FHOD3: variants seen among roughly 807,000 people sequenced by gnomAD.
The protein encoded by FHOD3 is FH1/FH2 domain-containing protein 3.
In FHOD3, 90 loss-of-function variants were observed where a neutral mutation model predicts 173.0. The ratio of observed to expected loss-of-function variants is 0.52; its 90% CI spans 0.44 to 0.62. The LOEUF (loss-of-function observed/expected upper bound fraction) is 0.62. Among genes scored for constraint, FHOD3 ranks in the 20% least tolerant of loss-of-function variants. FHOD3 has a pLI of 0.00. For synonymous variants in FHOD3, 828 were observed against 823.0 expected, an observed-to-expected ratio of 1.01 and a Z score of -0.10; for missense variants, 1,945 against 2,034.7, an observed-to-expected ratio of 0.96 and a Z score of 0.85.
intron 3 of FHOD3, among the ~76,000 whole-genome samples, chr18:36,415,553 G>T (rs2049593465): frequency 6.6e-6 from 1 of 152,224 alleles, no homozygotes; most frequent in East Asian, 1.9e-4. Flanking sequence ...AGGACAAATG[G>T]TTCCTTTTCA....
At chr18:36,610,125 G>C (rs2032521937) in intron 8 of FHOD3, among the ~76,000 whole-genome samples, 1 of 152,316 alleles carries the variant, frequency 6.6e-6, no homozygotes, top group South Asian at 2.1e-4. Context: ...GCCTCTCTCT[G>C]TGCCTGGGGC....
At chr18:36,748,088 AGTTTTTAAAGTT>A (rs1185864851) in intron 24 of FHOD3, among the ~76,000 whole-genome samples, 4 of 152,160 alleles carry the variant, frequency 2.6e-5, no homozygotes, top group African/African-American at 9.7e-5. Context: ...AATGGCAAGT[AGTTTTTAAAGTT>A]GGACGGGACA....
intron 20 of FHOD3, among the ~76,000 whole-genome samples, chr18:36,737,450 T>A (rs2041692408): frequency 6.6e-6 from 1 of 152,218 alleles, no homozygotes; most frequent in African/African-American, 2.4e-5. Flanking sequence ...GTGTCTTGGC[T>A]ATCTCTTAAT....
At chr18:36,704,878 C>T (rs763689881) in intron 17 of FHOD3, among the ~76,000 whole-genome samples, 10 of 152,244 alleles carry the variant, frequency 6.6e-5, no homozygotes, top group Admixed American at 1.3e-4. Context: ...ATGGAAAAAC[C>T]TCCTGCTGTT....
intron 3 of FHOD3, among the ~76,000 whole-genome samples, chr18:36,410,615 G>A (rs2049308592): frequency 6.6e-6 from 1 of 152,156 alleles, no homozygotes; most frequent in African/African-American, 2.4e-5. Flanking sequence ...CACTGGTAAT[G>A]TATGAGATTT....
At chr18:36,733,096 CT>C (rs1010239868) in intron 20 of FHOD3, among the ~76,000 whole-genome samples, 89 of 152,180 alleles carry the variant, frequency 5.8e-4, no homozygotes, top group African/African-American at 1.8e-3. Flanking sequence ...AAGGGTTGGT[CT>C]TAGGACCACA....
Position 36,450,473 on chromosome 18 carries a change from TTATTTATTTA to T in FHOD3, c.338-51457_338-51448del, listed in dbSNP as rs1193359594. Among the ~76,000 whole-genome samples, 510 of 127,552 alleles carry T rather than the reference TTATTTATTTA, an allele frequency of 4.0e-3. 6 individuals carry two copies. The highest frequency in any genetic ancestry group is 0.04 in the East Asian group (122 of 3,076). 83.7% of individuals were successfully genotyped at this position (127,552 alleles called of 152,430 possible). ...TTTATTTATTTATTTATTTATTTAT[TTATTTATTTA>T]TTTAATTTTTAAAGAAAACTCCCTG... On this transcript the variant is annotated intron_variant, in intron 3 of 28. Coordinates refer to ENST00000590592, the MANE Select transcript of FHOD3 (RefSeq NM_001281740.3).
chr18:36,745,169 G>C (rs921850603), intron 23 of FHOD3, among the ~76,000 whole-genome samples: 1 of 152,116 alleles, frequency 6.6e-6, no homozygotes, highest in Non-Finnish European at 1.5e-5. Context: ...GGACCTGGTG[G>C]CCGAGAGCCT....
intron 3 of FHOD3, among the ~76,000 whole-genome samples, chr18:36,386,829 G>A (rs1405993172): frequency 6.6e-6 from 1 of 152,126 alleles, no homozygotes; most frequent in Non-Finnish European, 1.5e-5. Context: ...CCTCCAGGCT[G>A]TGGGGTCTAG....
At chr18:36,742,715 C>G in intron 21 of FHOD3, 22 bp from the exon 22 acceptor site, 2 of 1,600,896 alleles carry the variant, frequency 1.2e-6, no homozygotes, top group Non-Finnish European at 1.7e-6. Flanking sequence ...TCTTTATTGT[C>G]TAATTTTTTT....
At chr18:36,676,502 G>A (rs556987192) in intron 14 of FHOD3, among the ~76,000 whole-genome samples, 1 of 152,142 alleles carries the variant, frequency 6.6e-6, no homozygotes, top group South Asian at 2.1e-4. Flanking sequence ...TACCATACAT[G>A]TCTATCTTCT....
In FHOD3 at chr18:36,513,849, C is replaced by G. The variant is rs200373887; in HGVS notation, c.511+1306C>G. 1.8e-4 allele frequency among the ~76,000 whole-genome samples: 27 copies of G among 151,840 alleles called. No individual in the cohort carries two copies. In the East Asian group the frequency reaches 3.3e-3, roughly 19 times the overall value. On this transcript the variant is annotated intron_variant, in intron 5 of 28. Transcript: ENST00000590592. The stretch of plus-strand genomic sequence containing the variant: ...TAAACGGCAAATGTGTGTGAGAGTT[C>G]CTGAGCCTCTCACTTTGCTGACCCA...
chr18:36,687,913 TG>T (rs1327221786), intron 16 of FHOD3, among the ~76,000 whole-genome samples: 2 of 152,214 alleles, frequency 1.3e-5, no homozygotes, highest in African/African-American at 4.8e-5. Context: ...ACAGAATATT[TG>T]TATACAATTT....
At chr18:36,578,732 G>T (rs1003445230) in intron 6 of FHOD3, among the ~76,000 whole-genome samples, 1 of 152,110 alleles carries the variant, frequency 6.6e-6, no homozygotes, top group African/African-American at 2.4e-5. Context: ...TCCTTCTCAG[G>T]CTTCTCAGAA....
intron 10 of FHOD3, among the ~76,000 whole-genome samples, chr18:36,630,734 A>G (rs1052258722): frequency 6.6e-6 from 1 of 152,240 alleles, no homozygotes; most frequent in Non-Finnish European, 1.5e-5. Context: ...AGCAGTGGGC[A>G]ACTCTCCTCT....
intron 5 of FHOD3, among the ~76,000 whole-genome samples, chr18:36,514,567 C>T (rs191103669): frequency 1.3e-5 from 2 of 152,236 alleles, no homozygotes; most frequent in East Asian, 3.9e-4. Flanking sequence ...AATAGTGGGT[C>T]CACACTGACA....
At chr18:36,362,707 C>T (rs2046693108) in intron 2 of FHOD3, among the ~76,000 whole-genome samples, 1 of 152,142 alleles carries the variant, frequency 6.6e-6, no homozygotes, top group African/African-American at 2.4e-5. Context: ...GTGGCAGCAC[C>T]CAGATGATCC....
chr18:36,597,283 AG>A (rs2030604176), intron 7 of FHOD3, among the ~76,000 whole-genome samples: 1 of 152,216 alleles, frequency 6.6e-6, no homozygotes, highest in Non-Finnish European at 1.5e-5. Flanking sequence ...CCATAGCCCC[AG>A]CCAGAGATTC....
At chr18:36,560,688 G>A (rs11873322) in intron 5 of FHOD3, among the ~76,000 whole-genome samples, 39,427 of 152,114 alleles carry the variant, frequency 0.26, 6,097 homozygotes, top group Non-Finnish European at 0.36. Context: ...GAGAGTTTGG[G>A]CCAAAAGGAG....
Sources: allele counts gnomAD v4.1 joint callset (sites outside exome capture counted in the v4.1 genomes callset), GRCh38; gene constraint gnomAD v4.1.1; transcripts MANE v1.5; gene names NCBI Gene and HGNC (gene_info 2026-07-23, HGNC 2026-07-21).